The following ANKRD13C variants were observed in gnomAD, a reference collection of about 807,000 sequenced individuals.
ANKRD13C encodes the protein ankyrin repeat domain-containing protein 13C.
Under a neutral mutation model 65.5 loss-of-function variants are expected in ANKRD13C, and 16 were observed. The ratio of observed to expected loss-of-function variants is 0.24; its 90% CI spans 0.17 to 0.37. The LOEUF is 0.37. ANKRD13C is among the 10% of genes least tolerant of loss of function. ANKRD13C has a pLI of 1.00. For synonymous variants in ANKRD13C, 235 were observed against 238.7 expected, an observed-to-expected ratio of 0.98 and a Z score of 0.14; for missense variants, 503 against 655.9, an observed-to-expected ratio of 0.77 and a Z score of 2.55.
chr1:70,273,105 C>A (rs779643890), intron 11 of ANKRD13C, among the ~76,000 whole-genome samples: 131 of 152,120 alleles, frequency 8.6e-4, no homozygotes, highest in Admixed American at 2.4e-3. Context: ...GTGTGGCTAA[C>A]TCTCCACATT....
intron 9 of ANKRD13C, among the ~76,000 whole-genome samples, chr1:70,280,402 T>C (rs1470933770): frequency 7.2e-5 from 11 of 151,964 alleles, no homozygotes; most frequent in Non-Finnish European, 1.5e-4. Context: ...TACTGGGAAA[T>C]TGCAAGTGTA....
intron 9 of ANKRD13C, among the ~76,000 whole-genome samples, chr1:70,277,784 C>T (rs1239948319): frequency 6.6e-6 from 1 of 152,022 alleles, no homozygotes; most frequent in Non-Finnish European, 1.5e-5. Flanking sequence ...TGGTAAAAAT[C>T]GCAAAGGTCA....
intron 2 of ANKRD13C, among the ~76,000 whole-genome samples, chr1:70,330,348 C>A (rs114698679): frequency 6.6e-6 from 1 of 151,750 alleles, no homozygotes; most frequent in African/African-American, 2.4e-5. Context: ...ACCTGAGGTA[C>A]GGGGTTTGAG....
chr1:70,312,751 T>C (rs187408034), intron 5 of ANKRD13C, among the ~76,000 whole-genome samples: 101 of 152,278 alleles, frequency 6.6e-4, no homozygotes, highest in African/African-American at 2.4e-3. Flanking sequence ...ATTACATTTT[T>C]TTAAATCTTT....
chr1:70,319,107 C>T lies in ANKRD13C; in HGVS notation c.578-3541G>A, dbSNP rs777145281. Among the ~76,000 whole-genome samples the T allele has an allele frequency of 6.0e-4, 91 of 152,244 alleles. 1 individual carries two copies. Among genetic ancestry groups the T allele is most frequent in the Middle Eastern group, 3.4e-3 (1 of 294 alleles). On this transcript the variant is annotated intron_variant, in intron 3 of 12. Transcript: ENST00000370944. ...TAAATATCTCTTGCCTCCCTGACTC[C>T]GCTGTATTAATTAGAAAGTCTTTTC...
At chr1:70,295,460 C>A (rs573420894) in intron 8 of ANKRD13C, among the ~76,000 whole-genome samples, 38 of 152,122 alleles carry the variant, frequency 2.5e-4, no homozygotes, top group African/African-American at 8.2e-4. Context: ...GTTGGCCAGG[C>A]TGGTCTCGAA....
chr1:70,308,386 G>A (rs1680679724), intron 5 of ANKRD13C, among the ~76,000 whole-genome samples: 1 of 151,814 alleles, frequency 6.6e-6, no homozygotes, highest in Admixed American at 6.6e-5. Flanking sequence ...CAGGAAAGGA[G>A]GAAAATGGTA....
intron 2 of ANKRD13C, among the ~76,000 whole-genome samples, chr1:70,325,534 G>T (rs1196146902): frequency 6.6e-6 from 1 of 152,162 alleles, no homozygotes; most frequent in African/African-American, 2.4e-5. Context: ...ATCAAAAGAA[G>T]TCTAAGGTAT....
At chr1:70,351,041 G>T (rs1477376583) in intron 1 of ANKRD13C, among the ~76,000 whole-genome samples, 7 of 152,102 alleles carry the variant, frequency 4.6e-5, no homozygotes, top group African/African-American at 1.4e-4. Context: ...CACGCCTGTG[G>T]TCCCAGCTAC....
At chr1:70,339,826 T>G (rs1320992864) in intron 1 of ANKRD13C, among the ~76,000 whole-genome samples, 1 of 102,956 alleles carries the variant, frequency 9.7e-6, no homozygotes, top group Non-Finnish European at 2.0e-5. Flanking sequence ...TTATTATTAT[T>G]ATTATTATTA....
At chr1:70,329,863 C>T (rs777351605) in intron 2 of ANKRD13C, among the ~76,000 whole-genome samples, 3 of 151,978 alleles carry the variant, frequency 2.0e-5, no homozygotes, top group Non-Finnish European at 2.9e-5. Flanking sequence ...GAGGCTGAGG[C>T]GGGCGGATCA....
At chr1:70,325,063 T>C in intron 2 of ANKRD13C, 106 bp from the exon 3 acceptor site, 1 of 736,358 alleles carries the variant, frequency 1.4e-6, no homozygotes, top group Non-Finnish European at 2.1e-6. Context: ...ATAGATGAAA[T>C]AAACATTGTA....
At chr1:70,289,862 T>C (rs1679785053) in intron 9 of ANKRD13C, among the ~76,000 whole-genome samples, 2 of 152,120 alleles carry the variant, frequency 1.3e-5, no homozygotes. Flanking sequence ...AAAATTTAAA[T>C]CACAATATAA....
chr1:70,296,306 A>G, intron 7 of ANKRD13C, 45 bp from the exon 8 acceptor site: 2 of 1,586,892 alleles, frequency 1.3e-6, no homozygotes, highest in Non-Finnish European at 1.7e-6. Context: ...AGGTTTTTCA[A>G]AAGTTCTTAG....
intron 5 of ANKRD13C, among the ~76,000 whole-genome samples, chr1:70,313,246 T>C (rs1313956686): frequency 6.6e-6 from 1 of 152,122 alleles, no homozygotes; most frequent in African/African-American, 2.4e-5. Flanking sequence ...TATAAACTAT[T>C]GGCCAGATGT....
chr1:70,324,729 T>C (rs1433942217), intron 3 of ANKRD13C, 124 bp downstream of exon 3: 1 of 585,088 alleles, frequency 1.7e-6, no homozygotes, highest in Admixed American at 3.4e-5. Context: ...ATAATTCACA[T>C]GTAAGTTTAC....
At chr1:70,270,380 C>T (rs1177120783) in intron 12 of ANKRD13C, among the ~76,000 whole-genome samples, 3 of 152,068 alleles carry the variant, frequency 2.0e-5, no homozygotes, top group African/African-American at 7.2e-5. Context: ...TAAATAAATG[C>T]ATATAATTAC....
intron 2 of ANKRD13C, among the ~76,000 whole-genome samples, chr1:70,325,175 T>C (rs568945495): frequency 1.3e-5 from 2 of 152,282 alleles, no homozygotes; most frequent in East Asian, 3.9e-4. Flanking sequence ...TGCCTAAAAA[T>C]AAATTGGATC....
chr1:70,313,832 T>TAA, intron 4 of ANKRD13C, 42 bp from the exon 5 acceptor site: 1 of 1,425,110 alleles, frequency 7.0e-7, no homozygotes, highest in Non-Finnish European at 9.9e-7. Context: ...GCACCTTAGT[T>TAA]AAAAGTTCTT....
Sources: allele counts gnomAD v4.1 joint callset (sites outside exome capture counted in the v4.1 genomes callset), GRCh38; gene constraint gnomAD v4.1.1; transcripts MANE v1.5; gene names NCBI Gene and HGNC (gene_info 2026-07-23, HGNC 2026-07-21).